PTPRT: variants seen among roughly 807,000 people sequenced by gnomAD.
PTPRT encodes the protein protein tyrosine phosphatase receptor type T.
A neutral mutation model predicts 176.8 loss-of-function variants in PTPRT; 56 were observed. That is an observed-to-expected ratio of 0.32 (90% confidence interval 0.26 to 0.40). PTPRT has a LOEUF of 0.40. Ranked by LOEUF, PTPRT falls within the 10% of genes least tolerant of loss-of-function variation. PTPRT has a pLI of 1.00. For synonymous variants in PTPRT, 783 were observed against 739.0 expected (o/e 1.06, Z -0.96); for missense variants, 1,540 against 1,908.2 (o/e 0.81, Z 3.60).
chr20:43,031,570 C>T lies in PTPRT; in HGVS notation c.89-145638G>A, dbSNP rs114615112. Reference sequence around the variant, plus strand: ...GACACTGGCACAACACTTTCCAGTACGTTCTATTTTTACAGACAAGAACAT... The same window carrying T: ...GACACTGGCACAACACTTTCCAGTATGTTCTATTTTTACAGACAAGAACAT... On this transcript the variant is annotated intron_variant, in intron 1 of 30. Transcript: ENST00000373187. 6.7e-3 allele frequency among the ~76,000 whole-genome samples: 1,019 copies of T among 152,242 alleles called. 9 individuals are homozygous for T. Among genetic ancestry groups the T allele is most frequent in the African/African-American group, 0.024 (985 of 41,542 alleles).
intron 9 of PTPRT, among the ~76,000 whole-genome samples, chr20:42,380,051 C>T (rs2145629011): frequency 6.6e-6 from 1 of 152,276 alleles, no homozygotes; most frequent in African/African-American, 2.4e-5. Context: ...GTCAATCCTG[C>T]CCAAGGCCTA....
intron 1 of PTPRT, among the ~76,000 whole-genome samples, chr20:42,993,149 T>C (rs563243325): frequency 3.1e-4 from 47 of 152,118 alleles, no homozygotes; most frequent in Middle Eastern, 3.4e-3. Flanking sequence ...TTTAAAAATA[T>C]ACAACCTGCC....
chr20:43,091,228 C>CA lies in PTPRT; in HGVS notation c.88+98417dup, dbSNP rs1364680201. ...AGCCTGGGCGACGGAGATTCCATCT[C>CA]AAAAAAAAAACAAACCCTGAAATCT... On this transcript the variant is annotated intron_variant, in intron 1 of 30. Transcript: ENST00000373187. 9.2e-4 allele frequency among the ~76,000 whole-genome samples: 132 copies of CA among 142,848 alleles called. 1 individual carries two copies. Among genetic ancestry groups the CA allele is most frequent in the African/African-American group, 1.7e-3 (66 of 38,918 alleles). 93.7% of individuals were successfully genotyped at this position (142,848 alleles called of 152,430 possible).
At chr20:43,108,591 A>G (rs1307842674) in intron 1 of PTPRT, among the ~76,000 whole-genome samples, 1 of 152,104 alleles carries the variant, frequency 6.6e-6, no homozygotes, top group Non-Finnish European at 1.5e-5. Context: ...TTGAGGACAG[A>G]TAAGAAATCT....
At chr20:42,345,328 G>T (rs541372860) in intron 11 of PTPRT, among the ~76,000 whole-genome samples, 13 of 150,136 alleles carry the variant, frequency 8.7e-5, no homozygotes, top group African/African-American at 3.2e-4. Context: ...CTATTGAACA[G>T]CACTCTTTTC....
chr20:42,490,164 T>C (rs6030275), intron 7 of PTPRT, among the ~76,000 whole-genome samples: 21,823 of 152,196 alleles, frequency 0.14, 3,821 homozygotes, highest in African/African-American at 0.42. Context: ...GATTCATGTA[T>C]GGAAGGGTAC....
At chr20:42,629,494 A>C (rs1047402054) in intron 7 of PTPRT, among the ~76,000 whole-genome samples, 5 of 152,188 alleles carry the variant, frequency 3.3e-5, no homozygotes, top group African/African-American at 4.8e-5. Flanking sequence ...ATTTCTACAC[A>C]ATGGGATCTG....
At chr20:42,662,509 CAA>C (rs1419504359) in intron 7 of PTPRT, among the ~76,000 whole-genome samples, 2 of 152,080 alleles carry the variant, frequency 1.3e-5, no homozygotes, top group Non-Finnish European at 2.9e-5. Flanking sequence ...GGTTTGCAGG[CAA>C]AGTCAGTGGG....
chr20:42,192,773 C>CCT (rs1991051009), intron 16 of PTPRT, among the ~76,000 whole-genome samples: 1 of 152,152 alleles, frequency 6.6e-6, no homozygotes, highest in Admixed American at 6.5e-5. Flanking sequence ...ATTCTTTGCT[C>CCT]CTCTCTCTCT....
intron 9 of PTPRT, among the ~76,000 whole-genome samples, chr20:42,427,356 A>T (rs1223996413): frequency 1.3e-5 from 2 of 152,156 alleles, no homozygotes; most frequent in Admixed American, 6.5e-5. Flanking sequence ...AAACTTATAA[A>T]ATCTGTCTTA....
intron 13 of PTPRT, among the ~76,000 whole-genome samples, chr20:42,253,522 C>A (rs1019724977): frequency 3.9e-5 from 6 of 152,124 alleles, no homozygotes; most frequent in Admixed American, 3.3e-4. Context: ...TTAAGCAGGG[C>A]CTGGGGATTT....
chr20:42,571,862 T>C (rs1460511139), intron 7 of PTPRT, among the ~76,000 whole-genome samples: 1 of 152,142 alleles, frequency 6.6e-6, no homozygotes, highest in Admixed American at 6.5e-5. Flanking sequence ...GCCCCTTCAC[T>C]GGTCTTCCCA....
intron 1 of PTPRT, among the ~76,000 whole-genome samples, chr20:43,018,546 G>A (rs533568684): frequency 1.7e-3 from 262 of 152,234 alleles, no homozygotes; most frequent in Non-Finnish European, 2.4e-4. Context: ...AAAAGACATC[G>A]TAAACAAGAT....
intron 2 of PTPRT, among the ~76,000 whole-genome samples, chr20:42,806,461 C>T (rs1476674402): frequency 4.4e-5 from 6 of 135,784 alleles, no homozygotes; most frequent in African/African-American, 8.3e-5. Context: ...TCCAGCCTGG[C>T]GACAGAGCAA....
At chr20:42,467,940 T>C (rs1273832092) in intron 8 of PTPRT, among the ~76,000 whole-genome samples, 1 of 152,216 alleles carries the variant, frequency 6.6e-6, no homozygotes, top group Non-Finnish European at 1.5e-5. Flanking sequence ...TAAATAGCAG[T>C]CAAAGTGAGC....
At chr20:42,630,912 T>C (rs993521125) in intron 7 of PTPRT, among the ~76,000 whole-genome samples, 4 of 152,264 alleles carry the variant, frequency 2.6e-5, no homozygotes, top group East Asian at 1.9e-4. Context: ...CTCTGAGTGA[T>C]TGAAGTCTCT....
intron 19 of PTPRT, among the ~76,000 whole-genome samples, chr20:42,125,650 G>A (rs1987817876): frequency 6.6e-6 from 1 of 152,180 alleles, no homozygotes; most frequent in African/African-American, 2.4e-5. Context: ...AACATGCCTT[G>A]CAATGATAAA....
At chr20:42,933,977 GA>G (rs1907665663) in intron 1 of PTPRT, among the ~76,000 whole-genome samples, 1 of 152,200 alleles carries the variant, frequency 6.6e-6, no homozygotes, top group South Asian at 2.1e-4. Flanking sequence ...GATTCTATCT[GA>G]AAATACATGC....
chr20:42,565,903 C>G (rs1344590954), intron 7 of PTPRT, among the ~76,000 whole-genome samples: 3 of 152,020 alleles, frequency 2.0e-5, no homozygotes, highest in Non-Finnish European at 2.9e-5. Context: ...GCAATTTTCT[C>G]TGCTTCATAT....
Sources: allele counts gnomAD v4.1 joint callset (sites outside exome capture counted in the v4.1 genomes callset), GRCh38; gene constraint gnomAD v4.1.1; transcripts MANE v1.5; gene names NCBI Gene and HGNC (gene_info 2026-07-23, HGNC 2026-07-21).